Variants in IL1RAPL2 observed in about 807,000 individuals in gnomAD.
The protein encoded by IL1RAPL2 is X-linked interleukin-1 receptor accessory protein-like 2.
In IL1RAPL2, 3 loss-of-function variants were observed where a neutral mutation model predicts 44.1. That is an observed-to-expected ratio of 0.07 (90% CI 0.03 to 0.18). The LOEUF is 0.18. Among genes scored for constraint, IL1RAPL2 ranks in the 10% least tolerant of loss-of-function variants. The probability of loss-of-function intolerance (pLI) is 1.00; values close to 1 mark genes in which losing one functional copy is unlikely to be tolerated. For synonymous variants in IL1RAPL2, 181 were observed against 178.8 expected (o/e 1.01, Z -0.10); for missense variants, 391 against 496.4 (o/e 0.79, Z 2.02).
intron 2 of IL1RAPL2, among the ~76,000 whole-genome samples, chrX:104,796,917 C>A (rs894846270): frequency 2.7e-5 from 3 of 110,669 alleles, no homozygotes; most frequent in Non-Finnish European, 5.7e-5. Context: ...AGTACAGGCA[C>A]CTGCCACCAC....
chrX:105,649,035 T>C (rs947648185), intron 6 of IL1RAPL2, among the ~76,000 whole-genome samples: 3 of 111,490 alleles, frequency 2.7e-5, no homozygotes, highest in Non-Finnish European at 3.8e-5. Flanking sequence ...GTGTTAATGG[T>C]AGATGATAAT....
At chrX:105,624,547 C>T (rs2037440605) in intron 6 of IL1RAPL2, among the ~76,000 whole-genome samples, 1 of 111,603 alleles carries the variant, frequency 9.0e-6, no homozygotes, top group African/African-American at 3.3e-5. Context: ...TGTTTATAAT[C>T]AGAGATCATC....
At chrX:105,390,591 C>CT (rs1424270903) in intron 5 of IL1RAPL2, among the ~76,000 whole-genome samples, 14 of 104,755 alleles carry the variant, frequency 1.3e-4, no homozygotes, top group African/African-American at 1.7e-4. Context: ...TTGTTGGGCT[C>CT]TTTTTTTTTT....
At chrX:105,672,163 C>T (rs747428831) in intron 6 of IL1RAPL2, among the ~76,000 whole-genome samples, 2 of 110,915 alleles carry the variant, frequency 1.8e-5, no homozygotes, top group South Asian at 3.8e-4. Context: ...TGTTGGTATC[C>T]GTTATCTTTG....
chrX:104,983,439 A>ATAT (rs200666851), intron 2 of IL1RAPL2, among the ~76,000 whole-genome samples: 3,020 of 96,433 alleles, frequency 0.031, 93 homozygotes, highest in Middle Eastern at 0.066. Flanking sequence ...AATATATAAT[A>ATAT]GATACATAAT....
chrX:105,429,313 A>G (rs779244958), intron 5 of IL1RAPL2, among the ~76,000 whole-genome samples: 3 of 112,164 alleles, frequency 2.7e-5, no homozygotes, highest in Non-Finnish European at 5.6e-5. Flanking sequence ...ATGTAGCTCT[A>G]GGAGCATCAT....
chrX:105,363,732 A>C (rs1453998266), intron 5 of IL1RAPL2, among the ~76,000 whole-genome samples: 1 of 110,591 alleles, frequency 9.0e-6, no homozygotes, highest in Non-Finnish European at 1.9e-5. Context: ...TCTCTTGGCC[A>C]TTCATATCTC....
At chrX:105,411,596 A>G (rs953206989) in intron 5 of IL1RAPL2, among the ~76,000 whole-genome samples, 1 of 111,739 alleles carries the variant, frequency 8.9e-6, no homozygotes, top group Non-Finnish European at 1.9e-5. Context: ...TGATAAAGGG[A>G]TCAATTCAAC....
chrX:105,626,624 T>C (rs980976504), intron 6 of IL1RAPL2, among the ~76,000 whole-genome samples: 9 of 111,432 alleles, frequency 8.1e-5, no homozygotes, highest in African/African-American at 2.9e-4. Context: ...TTTTATAGAT[T>C]TAGTGGGTAC....
At chrX:105,219,933 T>A in intron 3 of IL1RAPL2, 1 of 1,167,600 alleles carries the variant, frequency 8.6e-7, no homozygotes, top group Non-Finnish European at 1.1e-6. Flanking sequence ...AGTTGAGGGA[T>A]CTTACTGCAT....
At chrX:104,941,751 G>A (rs1925181606) in intron 2 of IL1RAPL2, among the ~76,000 whole-genome samples, 1 of 111,793 alleles carries the variant, frequency 8.9e-6, no homozygotes, top group Non-Finnish European at 1.9e-5. Context: ...TGCTTTTGGT[G>A]TTTTAGTCAA....
chrX:104,762,452 G>A (rs1932478728), intron 2 of IL1RAPL2, among the ~76,000 whole-genome samples: 1 of 112,053 alleles, frequency 8.9e-6, no homozygotes, highest in Non-Finnish European at 1.9e-5. Context: ...TTCATGGGCT[G>A]GCATTGAGTG....
intron 2 of IL1RAPL2, among the ~76,000 whole-genome samples, chrX:104,967,196 T>C (rs1431385659): frequency 8.9e-6 from 1 of 112,054 alleles, no homozygotes; most frequent in Non-Finnish European, 1.9e-5. Flanking sequence ...AAGAAATCCA[T>C]ATAATACAGA....
At chrX:105,334,290 A>G (rs1011591252) in intron 5 of IL1RAPL2, among the ~76,000 whole-genome samples, 7 of 111,850 alleles carry the variant, frequency 6.3e-5, no homozygotes, top group Non-Finnish European at 1.1e-4. Context: ...GTTCTCACTT[A>G]TCTGTGGGAT....
intron 6 of IL1RAPL2, among the ~76,000 whole-genome samples, chrX:105,569,293 G>A (rs756920107): frequency 8.9e-6 from 1 of 111,899 alleles, no homozygotes; most frequent in Non-Finnish European, 1.9e-5. Flanking sequence ...TTTGAATGCT[G>A]TAGGTCACAT....
intron 1 of IL1RAPL2, among the ~76,000 whole-genome samples, chrX:104,571,218 A>G (rs1367917842): frequency 8.9e-6 from 1 of 111,989 alleles, no homozygotes; most frequent in Non-Finnish European, 1.9e-5. Context: ...AATTCAGTAT[A>G]TCCTACATGT....
intron 5 of IL1RAPL2, among the ~76,000 whole-genome samples, chrX:105,433,866 G>GA (rs761005121): frequency 4.5e-5 from 5 of 110,536 alleles, no homozygotes; most frequent in African/African-American, 6.6e-5. Flanking sequence ...ATCCATAAAA[G>GA]AAAAAAAATG....
In IL1RAPL2 at chrX:105,012,674, C is replaced by CACACACAGAG. The variant is rs1258556672; in HGVS notation, c.83-182800_83-182799insCACACAGAGA. On this transcript the variant is annotated intron_variant, in intron 2 of 10. Coordinates refer to ENST00000372582, the MANE Select transcript of IL1RAPL2 (RefSeq NM_017416.2). Reference sequence around the variant, plus strand: ...ACACACACACACACACACACACACACAGAGAGAGAGAGAGAGAATAATAAA... The same window carrying CACACACAGAG: ...ACACACACACACACACACACACACACACACACAGAGAGAGAGAGAGAGAGAGAATAATAAA... 2.9e-3 allele frequency among the ~76,000 whole-genome samples: 236 copies of CACACACAGAG among 81,181 alleles called. 6 individuals are homozygous for CACACACAGAG. The highest frequency in any genetic ancestry group is 0.013 in the African/African-American group (225 of 16,907). The allele number at this position is 81,181 out of a possible 115,157, so 70.5% of individuals were successfully genotyped here.
intron 6 of IL1RAPL2, among the ~76,000 whole-genome samples, chrX:105,668,997 A>G (rs1475874749): frequency 1.8e-5 from 2 of 111,422 alleles, no homozygotes; most frequent in Non-Finnish European, 3.8e-5. Flanking sequence ...TATAGGCCCA[A>G]TATGTATAGT....
Sources: gnomAD v4.1 joint callset for allele counts (sites outside exome capture counted in the v4.1 genomes callset) on GRCh38, gnomAD v4.1.1 for gene constraint, MANE v1.5 for transcripts, NCBI Gene and HGNC (gene_info 2026-07-23, HGNC 2026-07-21) for gene names.